Variants in SMC4 observed in about 807,000 individuals in gnomAD.
SMC4 encodes structural maintenance of chromosomes 4.
Under a neutral mutation model 145.6 loss-of-function variants are expected in SMC4, and 87 were observed. The ratio of observed to expected loss-of-function variants is 0.60; its 90% confidence interval spans 0.50 to 0.71. The LOEUF is 0.71. Among genes scored for constraint, SMC4 ranks in the 30% least tolerant of loss-of-function variants. The pLI, the probability that SMC4 is intolerant of heterozygous loss-of-function variation, is 0.00. For missense variants in SMC4, 1,447 were observed against 1,537.1 expected, an observed-to-expected ratio of 0.94 and a Z score of 0.98; for synonymous variants, 558 against 500.7, an observed-to-expected ratio of 1.11 and a Z score of -1.53.
At chr3:160,420,177 C>G (rs1717018389) in intron 12 of SMC4, among the ~76,000 whole-genome samples, 2 of 152,180 alleles carry the variant, frequency 1.3e-5, no homozygotes, top group Admixed American at 1.3e-4. Context: ...GCTGAAACCT[C>G]AAATTGGCTG....
At chr3:160,401,032 C>G (rs1444447939) in intron 2 of SMC4, 67 bp downstream of exon 2, 3 of 1,354,912 alleles carry the variant, frequency 2.2e-6, no homozygotes, top group East Asian at 6.2e-5. Context: ...GCGCCCAGCC[C>G]GAGGCTGGCT....
rs760971978 is a variant in SMC4 at position 160,423,518 on chromosome 3, C to T, written c.2113C>T (p.Arg705Cys). 1.5e-5 allele frequency: 24 copies of T among 1,613,444 alleles called. No individual in the cohort carries two copies. The highest frequency in any genetic ancestry group is 3.3e-5 in the South Asian group (3 of 91,030). ...DLVKVKDEKI[R>C]QAFYFALRDT... is the part of the protein sequence containing the mutation. ...AGTAAAAGTAAAAGATGAGAAAATT[C>T]GCCAAGCTTTTTATTTTGCTTTACG... Residue 705 changes from arginine (R) to cysteine (C), a missense_variant, in exon 14 of 24, where the codon CGC becomes TGC. Arg to Cys is a radical substitution (Grantham distance 180). Transcript: ENST00000357388.
At chr3:160,426,001 C>T in intron 16 of SMC4, 73 bp from the exon 17 acceptor site, 2 of 1,129,002 alleles carry the variant, frequency 1.8e-6, no homozygotes, top group Non-Finnish European at 2.5e-6. Flanking sequence ...ATTTTAAGTG[C>T]CCTTTTTAAA....
At chr3:160,408,718 A>C (rs958875707) in intron 5 of SMC4, among the ~76,000 whole-genome samples, 1 of 152,192 alleles carries the variant, frequency 6.6e-6, no homozygotes. Flanking sequence ...CTGAAGAAAT[A>C]AGGAGGAATC....
In SMC4 at chr3:160,423,538, T is replaced by G. The variant is rs1035569636; in HGVS notation, c.2133T>G (p.Ala711=). The stretch of plus-strand genomic sequence containing the variant: ...AAATTCGCCAAGCTTTTTATTTTGC[T>G]TTACGAGATACCTTAGTAGCTGACA... ...DEKIRQAFYF[A]LRDTLVADNL... Residue 711 remains alanine, a synonymous_variant, in exon 14 of 24, where the codon GCT becomes GCG. Coordinates refer to ENST00000357388, the MANE Select transcript of SMC4 (RefSeq NM_001002800.3). The G allele has an allele frequency of 1.2e-6, 2 of 1,613,968 alleles. No homozygotes were observed. The highest frequency in any genetic ancestry group is 1.7e-6 in the Non-Finnish European group (2 of 1,179,924).
chr3:160,404,591 AG>A, intron 5 of SMC4, 87 bp downstream of exon 5: 1 of 1,201,574 alleles, frequency 8.3e-7, no homozygotes, highest in Non-Finnish European at 1.2e-6. Context: ...TACATTTTTG[AG>A]GCCTTAAAGT....
In SMC4 at chr3:160,433,846, A is replaced by AAGT; in HGVS notation, c.*37_*38insAGT. 6.6e-7 allele frequency: 1 copy of AAGT among 1,514,284 alleles called. No homozygotes were observed. The highest frequency in any genetic ancestry group is 9.0e-7 in the Non-Finnish European group (1 of 1,111,608). The allele number at this position is 1,514,284 out of a possible 1,614,324, so 93.8% of individuals were successfully genotyped here. A position where few individuals can be genotyped will look rare whatever the true frequency, so the allele number is the denominator to read the frequency against. On this transcript the variant is annotated 3_prime_UTR_variant, in exon 24 of 24. Transcript: ENST00000357388. ...AAGATTCTTCAAGTTGATTCAGTGT[A>AAGT]TTACTGATTTTTTTCTATTTGTAAA... is the stretch of plus-strand genomic sequence containing the variant.
Position 160,400,913 on chromosome 3 carries a change from C to G in SMC4, c.87C>G (p.Asp29Glu). ...PPPSPDGASS[D>E]AEPEPPSGRT... is the part of the protein sequence containing the mutation. The stretch of plus-strand genomic sequence containing the variant: ...CGTCCCCTGACGGCGCCAGCAGCGA[C>G]GCGGAGCCTGAGCCGCCGTCCGGCC... The change falls in exon 2 of 24, where the codon GAC (aspartate) becomes GAG (glutamate). Residue 29 changes from aspartate (D) to glutamate (E), a missense_variant. Physicochemically the swap from Asp to Glu is conservative, Grantham distance 45 (BLOSUM62 2). Coordinates refer to ENST00000357388, the MANE Select transcript of SMC4 (RefSeq NM_001002800.3). 3.4e-6 allele frequency: 5 copies of G among 1,490,332 alleles called. No individual in the cohort carries two copies. The highest frequency in any genetic ancestry group is 4.4e-6 in the Non-Finnish European group (5 of 1,129,112). The allele number at this position is 1,490,332 out of a possible 1,614,324, so 92.3% of individuals were successfully genotyped here. A position where few individuals can be genotyped will look rare whatever the true frequency, so the allele number is the denominator to read the frequency against.
At position 160,399,709 on chromosome 3, in the gene SMC4, A is replaced by G. The variant is rs2108435786; in HGVS notation, c.-46A>G. ...GTAGGAGCGGGGAGGTGGGTACTAC[A>G]CAACCGTCTCCAGCCTTGGTCTGAG... On this transcript the variant is annotated 5_prime_UTR_variant, in exon 1 of 24. Coordinates refer to ENST00000357388, the MANE Select transcript of SMC4 (RefSeq NM_001002800.3). 6.5e-6 allele frequency: 1 copy of G among 152,782 alleles called. No individual in the cohort carries two copies. Among genetic ancestry groups the G allele is most frequent in the Middle Eastern group, 3.4e-3 (1 of 294 alleles). 9.5% of individuals were successfully genotyped at this position (152,782 alleles called of 1,614,324 possible).
chr3:160,433,803 TTGTTGAACTTTATGC>T lies in SMC4; in HGVS notation c.3864_*11del, dbSNP rs748814017. 6.2e-7 allele frequency: 1 copy of T among 1,600,046 alleles called. No individual in the cohort carries two copies. The highest frequency in any genetic ancestry group is 8.5e-7 in the Non-Finnish European group (1 of 1,175,442). On this transcript the variant is annotated stop_lost and 3_prime_UTR_variant, in exon 24 of 24. Coordinates refer to ENST00000357388, the MANE Select transcript of SMC4 (RefSeq NM_001002800.3). ...CAAAAGAAATTGCATCTAAGGGACT[TTGTTGAACTTTATGC>T]TGAAGATTCTTCAAGTTGATTCAGT...
rs150505803 is a variant in SMC4, at chr3:160,423,003, G to A, written c.2020-422G>A. ...GCTTTCAGTTTTATTACTTGTGCTG[G>A]TATAGGACACTGTCTTGATTATTGC... On this transcript the variant is annotated intron_variant, in intron 13 of 23. Transcript: ENST00000357388. Among the ~76,000 whole-genome samples the A allele has an allele frequency of 3.9e-3, 599 of 152,202 alleles. 2 individuals are homozygous for A. Among genetic ancestry groups the A allele is most frequent in the East Asian group, 0.024 (124 of 5,186 alleles).
chr3:160,410,718 T>C lies in SMC4; in HGVS notation c.688-1202T>C, dbSNP rs1043387133. Among the ~76,000 whole-genome samples the C allele has an allele frequency of 7.2e-5, 11 of 152,332 alleles. 1 individual carries two copies. In the South Asian group the frequency reaches 1.2e-3, roughly 17 times the overall value. On this transcript the variant is annotated intron_variant, in intron 5 of 23. Transcript: ENST00000357388. The stretch of plus-strand genomic sequence containing the variant: ...AAATAAGCTGTTTTGTCCACTGTTA[T>C]TGAATTGTTTACTTTTTGTAATTAT...
chr3:160,418,586 G>C (rs1232694492), intron 11 of SMC4, among the ~76,000 whole-genome samples: 1 of 152,172 alleles, frequency 6.6e-6, no homozygotes, highest in Non-Finnish European at 1.5e-5. Flanking sequence ...TTGGTCATCA[G>C]GGAATTTCAT....
At position 160,426,066 on chromosome 3, in the gene SMC4, T is replaced by C; in HGVS notation, c.2479-8T>C. On this transcript the variant is annotated splice_region_variant and splice_polypyrimidine_tract_variant and intron_variant, in intron 16 of 23. Transcript: ENST00000357388. ...ATATTGACCTTAAATGTTAAAACTT[T>C]TTTGTAGCGTTTAATAGAGCAAGAA... 5 of 1,576,032 alleles carry C rather than the reference T, an allele frequency of 3.2e-6. No individual in the cohort carries two copies. Among genetic ancestry groups the C allele is most frequent in the Non-Finnish European group, 4.3e-6 (5 of 1,164,756 alleles).
rs765128491 is a variant in SMC4, at chr3:160,425,019, G to GGTGTGTGTGTGTGTGT, written c.2478+2_2478+3insGTGTGTGTGTGTGTGT. On this transcript the variant is annotated frameshift_variant and splice_region_variant. Transcript: ENST00000357388. LOFTEE classifies it high-confidence loss of function. ...TAGAAAAATTTACTGCAAGCATCCA[G>GGTGTGTGTGTGTGTGT]GTATGTGTGTGTGTGTGTGTGTGTG... The GGTGTGTGTGTGTGTGT allele has an allele frequency of 1.5e-4, 182 of 1,226,856 alleles. 1 individual carries two copies. The highest frequency in any genetic ancestry group is 3.1e-4 in the East Asian group (12 of 38,312). 76.0% of individuals were successfully genotyped at this position (1,226,856 alleles called of 1,614,324 possible). A position where few individuals can be genotyped will look rare whatever the true frequency, so the allele number is the denominator to read the frequency against.
At chr3:160,425,900 T>C (rs902696388) in intron 16 of SMC4, among the ~76,000 whole-genome samples, 174 bp from the exon 17 acceptor site, 2 of 152,230 alleles carry the variant, frequency 1.3e-5, no homozygotes, top group African/African-American at 2.4e-5. Context: ...ATAATGAGCT[T>C]ACATATTTTG....
chr3:160,400,561 A>G, intron 1 of SMC4: 2 of 426,398 alleles, frequency 4.7e-6, no homozygotes, highest in South Asian at 4.3e-5. Flanking sequence ...AACAACAACA[A>G]CAAACTAAGC....
intron 19 of SMC4, 117 bp downstream of exon 19, chr3:160,430,860 CTA>C: frequency 7.8e-7 from 1 of 1,280,336 alleles, no homozygotes; most frequent in African/African-American, 1.5e-5. Flanking sequence ...AGTTTTATAA[CTA>C]TCAATTTTTA....
chr3:160,401,911 T>G lies in SMC4; in HGVS notation c.140-4T>G. Reference sequence around the variant, plus strand: ...TTCGTTTTCCTTTCCTTTCACTGACTTAGAGACTGCAAGTGAGGAACTTGA... The same window carrying G: ...TTCGTTTTCCTTTCCTTTCACTGACGTAGAGACTGCAAGTGAGGAACTTGA... On this transcript the variant is annotated splice_polypyrimidine_tract_variant and splice_region_variant and intron_variant, in intron 2 of 23. Transcript: ENST00000357388. 6.3e-7 allele frequency: 1 copy of G among 1,597,522 alleles called. No individual in the cohort carries two copies. The highest frequency in any genetic ancestry group is 8.5e-7 in the Non-Finnish European group (1 of 1,173,490).
Sources: allele counts gnomAD v4.1 joint callset (sites outside exome capture counted in the v4.1 genomes callset), GRCh38; gene constraint gnomAD v4.1.1; transcripts MANE v1.5; gene names NCBI Gene and HGNC (gene_info 2026-07-23, HGNC 2026-07-21).